Variants in RPS6KA2 observed in about 807,000 individuals in gnomAD.
RPS6KA2 encodes ribosomal protein S6 kinase alpha-2.
RPS6KA2 carries 42 observed loss-of-function variants against 91.8 expected under a neutral mutation model. That is an observed-to-expected ratio of 0.46 (90% CI 0.36 to 0.59). The LOEUF is 0.59. Among genes scored for constraint, RPS6KA2 ranks in the 20% least tolerant of loss-of-function variants. The pLI, the probability that RPS6KA2 is intolerant of heterozygous loss-of-function variation, is 0.00. For missense variants in RPS6KA2, 798 were observed against 978.5 expected, an observed-to-expected ratio of 0.82 and a Z score of 2.46; for synonymous variants, 414 against 393.6, an observed-to-expected ratio of 1.05 and a Z score of -0.61.
At chr6:166,505,756 C>T (rs1583216630) in intron 5 of RPS6KA2, among the ~76,000 whole-genome samples, 2 of 152,212 alleles carry the variant, frequency 1.3e-5, no homozygotes, top group Admixed American at 1.3e-4. Context: ...ACCGGCCCCC[C>T]GAGTCCCCGT....
At chr6:166,716,097 C>T (rs951267771) in intron 2 of RPS6KA2, among the ~76,000 whole-genome samples, 16 of 144,658 alleles carry the variant, frequency 1.1e-4, no homozygotes, top group African/African-American at 3.5e-4. Context: ...TAAGTCCTCA[C>T]TTCAAGTCAT....
At chr6:166,659,165 AATG>A (rs58896110) in intron 2 of RPS6KA2, among the ~76,000 whole-genome samples, 47,190 of 151,834 alleles carry the variant, frequency 0.31, 7,463 homozygotes, top group East Asian at 0.41. Flanking sequence ...GCATGAAGAA[AATG>A]AGCATGAAGT....
In RPS6KA2 at chr6:166,695,345, C is replaced by T. The variant is rs541895440; in HGVS notation, c.124-156561G>A. 2.4e-4 allele frequency among the ~76,000 whole-genome samples: 37 copies of T among 152,280 alleles called. 1 individual carries two copies. In the South Asian group the frequency reaches 6.2e-3, roughly 26 times the overall value. ...ACAGAACAACCCCCAGGAGCAAACCCGGAGCCAGAGAAAAGCGCAGTGTCA... is the reference window on the plus strand; with the variant it reads ...ACAGAACAACCCCCAGGAGCAAACCTGGAGCCAGAGAAAAGCGCAGTGTCA... On this transcript the variant is annotated intron_variant, in intron 2 of 21. Transcript: ENST00000503859.
At chr6:166,848,732 C>A (rs78248704) in intron 2 of RPS6KA2, among the ~76,000 whole-genome samples, 17,216 of 151,258 alleles carry the variant, frequency 0.11, 1,036 homozygotes, top group Admixed American at 0.18. Flanking sequence ...AAGGATTCAA[C>A]GGACTTTGGG....
chr6:166,417,380 T>C lies in RPS6KA2; in HGVS notation c.1938+845A>G, dbSNP rs367723157. 3.3e-5 allele frequency among the ~76,000 whole-genome samples: 5 copies of C among 152,308 alleles called. No individual in the cohort carries two copies. In the East Asian group the frequency reaches 9.6e-4, roughly 29 times the overall value. On this transcript the variant is annotated intron_variant, in intron 19 of 20. Coordinates refer to ENST00000265678, the MANE Select transcript of RPS6KA2 (RefSeq NM_021135.6). ...GTGGTTAACACTTAAGTCAGTCGAC[T>C]TGAGTAAAGCAGTTACCCTGCACAA...
At chr6:166,480,168 C>T (rs112052753) in intron 10 of RPS6KA2, among the ~76,000 whole-genome samples, 349 of 152,180 alleles carry the variant, frequency 2.3e-3, no homozygotes, top group Non-Finnish European at 4.0e-3. Flanking sequence ...AAACACACCC[C>T]TTCACCCGGA....
chr6:166,469,501 T>C (rs890244774), intron 11 of RPS6KA2, among the ~76,000 whole-genome samples: 4 of 152,162 alleles, frequency 2.6e-5, no homozygotes, highest in African/African-American at 9.7e-5. Context: ...CAGTCACTCC[T>C]GGAGCAATCG....
intron 2 of RPS6KA2, among the ~76,000 whole-genome samples, chr6:166,751,358 C>T (rs941329287): frequency 1.3e-5 from 2 of 152,258 alleles, no homozygotes; most frequent in Non-Finnish European, 2.9e-5. Context: ...TCCCGTCAAA[C>T]GCACAGTCAC....
At chr6:166,851,216 G>T (rs143926515) in intron 2 of RPS6KA2, among the ~76,000 whole-genome samples, 251 of 152,264 alleles carry the variant, frequency 1.6e-3, no homozygotes, top group Middle Eastern at 0.01. Flanking sequence ...CCAGTCCTCT[G>T]CAGGCAGGAG....
chr6:166,558,293 C>T (rs1345486674), intron 1 of RPS6KA2, among the ~76,000 whole-genome samples: 1 of 152,134 alleles, frequency 6.6e-6, no homozygotes, highest in Non-Finnish European at 1.5e-5. Flanking sequence ...ACCAATGTCA[C>T]AGCTCAAGCT....
intron 2 of RPS6KA2, among the ~76,000 whole-genome samples, chr6:166,657,647 C>T (rs775021929): frequency 7.2e-5 from 11 of 152,184 alleles, no homozygotes; most frequent in Non-Finnish European, 1.2e-4. Flanking sequence ...AGGAGCCGGA[C>T]ATCTGGGCCT....
At position 166,423,223 on chromosome 6, in the gene RPS6KA2, A is replaced by G. The variant is rs1283886384; in HGVS notation, c.1743+33T>C. 1 of 1,580,422 alleles carries G rather than the reference A, an allele frequency of 6.3e-7. No homozygotes were observed. The highest frequency in any genetic ancestry group is 2.3e-5 in the East Asian group (1 of 44,018). On this transcript the variant is annotated intron_variant, in intron 17 of 20. Coordinates refer to ENST00000265678, the MANE Select transcript of RPS6KA2 (RefSeq NM_021135.6). The surrounding 1 kb of genome is among the most constrained non-coding windows in gnomAD (Gnocchi z 4.8). ...GGGCAGAGCCTGTCTTTGCGGATAG[A>G]GAGGCCTGGGTCTGCAGTCGGGGAA... is the stretch of plus-strand genomic sequence containing the variant.
intron 1 of RPS6KA2, among the ~76,000 whole-genome samples, chr6:166,625,977 T>C (rs951503335): frequency 3.9e-5 from 6 of 152,182 alleles, no homozygotes; most frequent in African/African-American, 7.2e-5. Context: ...AAAACCAAGA[T>C]GAAACATTTG....
chr6:166,541,871 C>T (rs1202626731), intron 1 of RPS6KA2, among the ~76,000 whole-genome samples: 5 of 152,088 alleles, frequency 3.3e-5, no homozygotes, highest in South Asian at 2.1e-4. Context: ...ACATGAAAAA[C>T]GCCAGCTTTC....
chr6:166,550,724 T>TCC (rs1783974244), intron 1 of RPS6KA2, among the ~76,000 whole-genome samples: 7 of 152,144 alleles, frequency 4.6e-5, no homozygotes, highest in Non-Finnish European at 8.8e-5. Flanking sequence ...AAATTAGGGT[T>TCC]GGGCGCGATG....
chr6:166,409,884 C>G lies in RPS6KA2; in HGVS notation c.*2878G>C, dbSNP rs1778244615. Reference sequence around the variant, plus strand: ...TAAGTACTATTATCACTTTAAAATTCAAACAATCTTCCAAACATCAATACA... The same window carrying G: ...TAAGTACTATTATCACTTTAAAATTGAAACAATCTTCCAAACATCAATACA... On this transcript the variant is annotated 3_prime_UTR_variant, in exon 21 of 21. Transcript: ENST00000265678. The G allele has an allele frequency of 6.6e-6, 1 of 152,480 alleles. No homozygotes were observed. Among genetic ancestry groups the G allele is most frequent in the South Asian group, 2.1e-4 (1 of 4,834 alleles). The allele number at this position is 152,480 out of a possible 1,614,324, so 9.4% of individuals were successfully genotyped here.
chr6:166,824,715 CTGTGTG>C (rs138945096), intron 2 of RPS6KA2, among the ~76,000 whole-genome samples: 4 of 122,826 alleles, frequency 3.3e-5, no homozygotes, highest in South Asian at 2.5e-4. Flanking sequence ...GTGTGTGTGT[CTGTGTG>C]TATGTCTGTG....
chr6:166,608,922 A>T (rs957268840), intron 1 of RPS6KA2, among the ~76,000 whole-genome samples: 9 of 152,216 alleles, frequency 5.9e-5, no homozygotes, highest in African/African-American at 1.9e-4. Flanking sequence ...ATGAAAGAAA[A>T]CAATGAATAA....
At chr6:166,696,673 A>G (rs1789367483) in intron 2 of RPS6KA2, among the ~76,000 whole-genome samples, 1 of 152,210 alleles carries the variant, frequency 6.6e-6, no homozygotes, top group South Asian at 2.1e-4. Flanking sequence ...GGAGACGAAC[A>G]TTTAAATTGG....
Sources: allele counts gnomAD v4.1 joint callset (sites outside exome capture counted in the v4.1 genomes callset), GRCh38; gene constraint gnomAD v4.1.1; non-coding constraint Gnocchi (gnomAD v3.1); transcripts MANE v1.5; gene names NCBI Gene and HGNC (gene_info 2026-07-23, HGNC 2026-07-21).